The following KIF9 variants were observed in gnomAD, a reference collection of about 807,000 sequenced individuals.
KIF9 encodes the protein kinesin family member 9, also known as kinesin-like protein KIF9.
KIF9 carries 68 observed loss-of-function variants against 94.8 expected under a neutral mutation model. That is an observed-to-expected ratio of 0.72 (90% CI 0.59 to 0.88). KIF9 has a LOEUF of 0.88. KIF9 is among the 40% of genes least tolerant of loss of function. The pLI is 0.00. For missense variants in KIF9, 882 were observed against 982.5 expected (o/e 0.90, Z 1.37); for synonymous variants, 343 against 362.1 (o/e 0.95, Z 0.60).
chr3:47,263,779 T>C, intron 9 of KIF9: 1 of 450,156 alleles, frequency 2.2e-6, no homozygotes, highest in Non-Finnish European at 4.5e-6. Flanking sequence ...GGGTTGAGGA[T>C]GCTGAGGCCC....
At chr3:47,279,703 G>GC (rs964518739) in intron 1 of KIF9, among the ~76,000 whole-genome samples, 8 of 150,030 alleles carry the variant, frequency 5.3e-5, no homozygotes, top group South Asian at 2.1e-4. Flanking sequence ...TGCAAGCTCC[G>GC]CCCCCCAGGT....
At chr3:47,235,767 G>C in intron 19 of KIF9, 150 bp from the exon 20 acceptor site, 1 of 672,234 alleles carries the variant, frequency 1.5e-6, no homozygotes, top group Non-Finnish European at 2.6e-6. Context: ...CAGCCCCCAT[G>C]TCTGTCAGTG....
rs771523267 is a variant in KIF9, at chr3:47,245,521, C to A, written c.1290-10G>T. 1 of 1,607,312 alleles carries A rather than the reference C, an allele frequency of 6.2e-7. No individual in the cohort carries two copies. Among genetic ancestry groups the A allele is most frequent in the Non-Finnish European group, 8.5e-7 (1 of 1,174,564 alleles). ...TTCCTGTTCCTGTTGGCTTGGGAGA[C>A]AGCAAGAGAGAACAGCTTGTACCTG... On this transcript the variant is annotated splice_polypyrimidine_tract_variant and intron_variant, in intron 13 of 20. Transcript: ENST00000684063.
At chr3:47,231,706 C>T (rs1179293050) in intron 20 of KIF9, 1 of 152,186 alleles carries the variant, frequency 6.6e-6, no homozygotes, top group East Asian at 1.9e-4. Context: ...TAGGCACGAG[C>T]TATTGTTACC....
At chr3:47,240,280 A>G in intron 17 of KIF9, 1 of 219,684 alleles carries the variant, frequency 4.6e-6, no homozygotes, top group Non-Finnish European at 9.2e-6. Flanking sequence ...AGACTCTGAC[A>G]GACCAGCACG....
intron 10 of KIF9, among the ~76,000 whole-genome samples, chr3:47,251,393 C>A (rs1342984161): frequency 1.3e-5 from 2 of 152,080 alleles, no homozygotes; most frequent in Non-Finnish European, 2.9e-5. Flanking sequence ...TGGTGAAACC[C>A]CATCTCTACT....
Position 47,264,332 on chromosome 3 carries a change from A to G in KIF9, c.935T>C (p.Val312Ala). Residue 312 changes from valine to alanine, a missense_variant, in exon 9 of 21, where the codon GTC becomes GCC. Physicochemically the swap from Val to Ala is moderately conservative, Grantham distance 64. Transcript: ENST00000684063. ...TTCTCCATAGATGTTTGTCACGAGG[A>G]CCATATTGCAGTTTCCCCCTGCGGA... is the stretch of plus-strand genomic sequence containing the variant. The part of the protein sequence containing the change: ...KDSLGGNCNM[V>A]LVTNIYGEAA... 1 of 1,613,710 alleles carries G rather than the reference A, an allele frequency of 6.2e-7. No individual in the cohort carries two copies.
chr3:47,241,859 T>TACACAC (rs1393787014), intron 16 of KIF9, among the ~76,000 whole-genome samples: 1 of 86,478 alleles, frequency 1.2e-5, no homozygotes, highest in East Asian at 3.8e-4. Context: ...TATATATATA[T>TACACAC]ATACACATAT....
rs539530771 is a variant in KIF9 at position 47,272,378 on chromosome 3, T to C, written c.367-917A>G. ...GAACTGAATTTTAAATTTTATGTAATTTTAATTACAGTTAGATTTAAAAAC... is the reference window on the plus strand; with the variant it reads ...GAACTGAATTTTAAATTTTATGTAACTTTAATTACAGTTAGATTTAAAAAC... On this transcript the variant is annotated intron_variant, in intron 4 of 20. Transcript: ENST00000684063. 5.8e-4 allele frequency among the ~76,000 whole-genome samples: 88 copies of C among 152,338 alleles called. 1 individual carries two copies. Among genetic ancestry groups the C allele is most frequent in the African/African-American group, 2.0e-3 (85 of 41,580 alleles).
At chr3:47,277,011 T>C (rs2107522318) in intron 2 of KIF9, 1 of 273,052 alleles carries the variant, frequency 3.7e-6, no homozygotes, top group East Asian at 7.0e-5. Context: ...TGTGAACAAA[T>C]GTCAATTCTT....
chr3:47,278,950 C>T (rs557042640), intron 1 of KIF9, among the ~76,000 whole-genome samples: 34 of 150,094 alleles, frequency 2.3e-4, no homozygotes, highest in Admixed American at 5.3e-4. Context: ...TCAGCCTGGG[C>T]GACAGAGAGG....
At chr3:47,245,635 T>C in intron 13 of KIF9, 124 bp from the exon 14 acceptor site, 1 of 724,806 alleles carries the variant, frequency 1.4e-6, no homozygotes, top group East Asian at 2.6e-5. Flanking sequence ...CACACCTTCA[T>C]CATGAACCAG....
chr3:47,268,319 T>C (rs928961181), intron 5 of KIF9, among the ~76,000 whole-genome samples: 18 of 152,148 alleles, frequency 1.2e-4, no homozygotes, highest in Non-Finnish European at 2.5e-4. Context: ...AAAAAGGTCC[T>C]TGAGGGATAG....
intron 10 of KIF9, among the ~76,000 whole-genome samples, chr3:47,255,435 G>A (rs1029465317): frequency 1.3e-5 from 2 of 152,246 alleles, no homozygotes. Context: ...GTGACATAGC[G>A]AGGTGATTCT....
In KIF9 at chr3:47,275,445, T is replaced by TG; in HGVS notation, c.138dup (p.Asn47GlnfsTer2). ...AACGACCAGTCTGTCTGTTGGTTAT[T>TG]GACAACTCCTCTCCGAATGTCTTTT... On this transcript the variant is annotated frameshift_variant, in exon 3 of 21. Coordinates refer to ENST00000684063, the MANE Select transcript of KIF9 (RefSeq NM_182902.4). LOFTEE classifies it high-confidence loss of function. 1 of 1,613,078 alleles carries TG rather than the reference T, an allele frequency of 6.2e-7. No homozygotes were observed. The highest frequency in any genetic ancestry group is 8.5e-7 in the Non-Finnish European group (1 of 1,179,506).
At chr3:47,255,503 A>C (rs1423717680) in intron 10 of KIF9, among the ~76,000 whole-genome samples, 1 of 152,024 alleles carries the variant, frequency 6.6e-6, no homozygotes, top group Non-Finnish European at 1.5e-5. Flanking sequence ...AGAAGCCTAG[A>C]GCACCCAGAG....
chr3:47,235,441 T>C lies in KIF9; in HGVS notation c.2322+72A>G, dbSNP rs1698946349. On this transcript the variant is annotated intron_variant, in intron 20 of 20. Transcript: ENST00000684063. ...CCATTCCTCCCCTACCTCTCTAAAG[T>C]AGGGAATATGATCCTGGGTTTCCTA... is the stretch of plus-strand genomic sequence containing the variant. 1.1e-5 allele frequency: 11 copies of C among 1,043,846 alleles called. No homozygotes were observed. The Admixed American group carries it at 1.9e-4, about 18-fold the overall frequency. The allele number at this position is 1,043,846 out of a possible 1,614,324, so 64.7% of individuals were successfully genotyped here. A position where few individuals can be genotyped will look rare whatever the true frequency, so the allele number is the denominator to read the frequency against.
chr3:47,236,074 A>C lies in KIF9; in HGVS notation c.2177T>G (p.Ile726Ser). Residue 726 changes from isoleucine (I) to serine (S), a missense_variant, in exon 19 of 21, where the codon ATC becomes AGC. Coordinates refer to ENST00000684063, the MANE Select transcript of KIF9 (RefSeq NM_182902.4). The part of the protein sequence containing the change: ...MQMALKPGGS[I>S]RPGMVPVNRI... ...GTTCACAGGGACCATGCCTGGCCGG[A>C]TGCTGCCGCCTGGCTTCAGTGCCAT... 1 of 1,614,164 alleles carries C rather than the reference A, an allele frequency of 6.2e-7. No homozygotes were observed. The highest frequency in any genetic ancestry group is 8.5e-7 in the Non-Finnish European group (1 of 1,180,004).
At chr3:47,230,279 C>CAAA (rs374194307) in intron 20 of KIF9, among the ~76,000 whole-genome samples, 7 of 84,994 alleles carry the variant, frequency 8.2e-5, no homozygotes, top group Non-Finnish European at 9.2e-5. Flanking sequence ...AAGACCTTGT[C>CAAA]AAAAAAAAAA....
Sources: allele counts gnomAD v4.1 joint callset (sites outside exome capture counted in the v4.1 genomes callset), GRCh38; gene constraint gnomAD v4.1.1; transcripts MANE v1.5; gene names NCBI Gene and HGNC (gene_info 2026-07-23, HGNC 2026-07-21).